Variants in CYP7B1 observed in about 807,000 individuals in gnomAD.
The protein encoded by CYP7B1 is cytochrome P450 family 7 subfamily B member 1, also known as cytochrome P450 7B1.
In CYP7B1, 29 loss-of-function variants were observed where a neutral mutation model predicts 42.7. That is an observed-to-expected ratio of 0.68 (90% confidence interval 0.51 to 0.93). The LOEUF is 0.93. Ranked by LOEUF, CYP7B1 falls within the 40% of genes least tolerant of loss-of-function variation. The pLI is 0.00. For synonymous variants in CYP7B1, 235 were observed against 218.2 expected (o/e 1.08, Z -0.68); for missense variants, 655 against 600.5 (o/e 1.09, Z -0.95).
intron 1 of CYP7B1, among the ~76,000 whole-genome samples, chr8:64,697,945 C>T (rs1373085730): frequency 1.3e-5 from 2 of 152,088 alleles, no homozygotes; most frequent in African/African-American, 4.8e-5. Flanking sequence ...TCACATAGAC[C>T]AGATATTTTC....
At position 64,792,367 on chromosome 8, in the gene CYP7B1, TAGG is replaced by T. The variant is rs773074818; in HGVS notation, c.122+6096_122+6098del. On this transcript the variant is annotated intron_variant, in intron 1 of 5. Coordinates refer to ENST00000310193, the MANE Select transcript of CYP7B1 (RefSeq NM_004820.5). Reference sequence around the variant, plus strand: ...TCCAGATTGCAGAAGGCACTAATATTAGGAGATTACTAATATTAAAGGCACTAA... The same window carrying T: ...TCCAGATTGCAGAAGGCACTAATATTAGATTACTAATATTAAAGGCACTAA... Among the ~76,000 whole-genome samples the T allele has an allele frequency of 8.5e-5, 13 of 152,202 alleles. No individual in the cohort carries two copies. The East Asian group carries it at 2.1e-3, about 25-fold the overall frequency.
intron 1 of CYP7B1, among the ~76,000 whole-genome samples, chr8:64,745,681 T>G (rs766724876): frequency 1.3e-5 from 2 of 152,206 alleles, no homozygotes; most frequent in South Asian, 4.1e-4. Flanking sequence ...CTTCCAAGCC[T>G]GTTTCCTACT....
intron 1 of CYP7B1, among the ~76,000 whole-genome samples, chr8:64,699,811 G>A (rs1458686476): frequency 6.6e-6 from 1 of 152,100 alleles, no homozygotes; most frequent in South Asian, 2.1e-4. Flanking sequence ...CTTTCAGAAG[G>A]AAGTAAAAAA....
chr8:64,738,316 A>T (rs759128343), intron 1 of CYP7B1, among the ~76,000 whole-genome samples: 3 of 152,090 alleles, frequency 2.0e-5, no homozygotes, highest in Non-Finnish European at 4.4e-5. Context: ...AAGTTTTTTC[A>T]AAAACTGAAT....
downstream of CYP7B1, among the ~76,000 whole-genome samples, chr8:64,588,409 G>A (rs1487315898): frequency 1.3e-5 from 2 of 152,160 alleles, no homozygotes; most frequent in East Asian, 1.9e-4. Context: ...TAAAGGATCC[G>A]TTATTTACAA....
intron 1 of CYP7B1, among the ~76,000 whole-genome samples, chr8:64,747,566 G>T (rs1184393831): frequency 6.6e-6 from 1 of 151,790 alleles, no homozygotes; most frequent in Admixed American, 6.6e-5. Context: ...ATAAGGAGGA[G>T]GATGAGGAAG....
intron 1 of CYP7B1, among the ~76,000 whole-genome samples, chr8:64,731,892 C>T (rs1014980078): frequency 7.9e-5 from 12 of 152,204 alleles, no homozygotes; most frequent in Admixed American, 6.5e-4. Context: ...GTGGCTTCCA[C>T]GTGGTGTTTG....
At position 64,593,902 on chromosome 8, in the gene CYP7B1, A is replaced by G. The variant is rs554231649; in HGVS notation, c.*2740T>C. Among the ~76,000 whole-genome samples the G allele has an allele frequency of 6.6e-6, 1 of 152,342 alleles. No individual in the cohort carries two copies. Among genetic ancestry groups the G allele is most frequent in the East Asian group, 1.9e-4 (1 of 5,188 alleles). ...TATATGAAGAACAAAAGGGAATCGTAAAACTGAAAAATGTAATGATTGAAC... is the reference window on the plus strand; with the variant it reads ...TATATGAAGAACAAAAGGGAATCGTGAAACTGAAAAATGTAATGATTGAAC... On this transcript the variant is annotated 3_prime_UTR_variant, in exon 6 of 6. Transcript: ENST00000310193.
intron 1 of CYP7B1, among the ~76,000 whole-genome samples, chr8:64,660,973 T>A (rs1026626022): frequency 2.0e-5 from 3 of 152,190 alleles, no homozygotes; most frequent in Non-Finnish European, 4.4e-5. Flanking sequence ...TAAGAAAAAC[T>A]CACAAAACTA....
rs556175124 is a variant in CYP7B1 at position 64,593,115 on chromosome 8, A to G, written c.*3527T>C. Among the ~76,000 whole-genome samples the G allele has an allele frequency of 3.3e-5, 5 of 152,332 alleles. No homozygotes were observed. In the East Asian group the frequency reaches 9.6e-4, roughly 29 times the overall value. On this transcript the variant is annotated 3_prime_UTR_variant, in exon 6 of 6. Coordinates refer to ENST00000310193, the MANE Select transcript of CYP7B1 (RefSeq NM_004820.5). ...CTGTGCCTTAACATCACAAAAGTGT[A>G]CCACTAAGTTGAATTTAAAGCTATG...
chr8:64,769,905 T>A (rs1804192019), intron 1 of CYP7B1, among the ~76,000 whole-genome samples: 1 of 152,130 alleles, frequency 6.6e-6, no homozygotes, highest in Non-Finnish European at 1.5e-5. Flanking sequence ...CACCTTCAAG[T>A]CTTCACAGAA....
In CYP7B1 at chr8:64,615,277, A is replaced by G. The variant is rs189091878; in HGVS notation, c.851-45T>C. ...AAGGAAGATTAATAGCGTTTATTAC[A>G]CTGATTAGATTTGCAGTGTGCTAAT... On this transcript the variant is annotated intron_variant, in intron 3 of 5. Coordinates refer to ENST00000310193, the MANE Select transcript of CYP7B1 (RefSeq NM_004820.5). 227 of 1,551,358 alleles carry G rather than the reference A, an allele frequency of 1.5e-4. 1 individual carries two copies. The African/African-American group carries it at 2.8e-3, about 19-fold the overall frequency.
At chr8:64,588,941 T>G (rs1283387153), downstream of CYP7B1, among the ~76,000 whole-genome samples, 1 of 152,240 alleles carries the variant, frequency 6.6e-6, no homozygotes, top group East Asian at 1.9e-4. Context: ...GGTCAGTTAA[T>G]ACCTGCGTCT....
In CYP7B1 at chr8:64,615,766, C is replaced by T; in HGVS notation, c.775G>A (p.Gly259Arg). 6.2e-7 allele frequency: 1 copy of T among 1,613,724 alleles called. No individual in the cohort carries two copies. The highest frequency in any genetic ancestry group is 1.1e-5 in the South Asian group (1 of 91,064). ...FSSEKLAKMQGWSEVFQSRQD... is the reference protein window; with the variant it reads ...FSSEKLAKMQRWSEVFQSRQD... ...CTGCTTTGAAAAACTTCTGACCATCCTTGCATCTTGGCTAACTTTTCTGAT... is the reference window on the plus strand; with the variant it reads ...CTGCTTTGAAAAACTTCTGACCATCTTTGCATCTTGGCTAACTTTTCTGAT... The change falls in exon 3 of 6, where the codon GGA (glycine) becomes AGA (arginine). Residue 259 changes from glycine (G) to arginine (R), a missense_variant. Physicochemically the swap from Gly to Arg is moderately radical, Grantham distance 125. Coordinates refer to ENST00000310193, the MANE Select transcript of CYP7B1 (RefSeq NM_004820.5).
chr8:64,715,624 A>G (rs933880677), intron 1 of CYP7B1, among the ~76,000 whole-genome samples: 1 of 152,170 alleles, frequency 6.6e-6, no homozygotes, highest in African/African-American at 2.4e-5. Flanking sequence ...TCCTCATAAT[A>G]TCACTTTGAT....
intron 2 of CYP7B1, among the ~76,000 whole-genome samples, chr8:64,624,103 T>A (rs919355849): frequency 2.0e-5 from 3 of 151,970 alleles, no homozygotes; most frequent in Admixed American, 1.3e-4. Flanking sequence ...CTAGCTTTTG[T>A]ATAGTTATAT....
At chr8:64,633,751 G>A (rs1336486112) in intron 1 of CYP7B1, among the ~76,000 whole-genome samples, 1 of 152,070 alleles carries the variant, frequency 6.6e-6, no homozygotes, top group Non-Finnish European at 1.5e-5. Context: ...ATGTTTTATG[G>A]ATATCAACAA....
downstream of CYP7B1, among the ~76,000 whole-genome samples, chr8:64,588,911 C>A (rs556796905): frequency 2.6e-4 from 39 of 152,302 alleles, no homozygotes; most frequent in African/African-American, 9.1e-4. Flanking sequence ...CTATTAAATG[C>A]CTGATGTATC....
chr8:64,604,612 G>C, intron 5 of CYP7B1, 70 bp downstream of exon 5: 1 of 1,579,708 alleles, frequency 6.3e-7, no homozygotes, highest in Non-Finnish European at 8.7e-7. Context: ...AAGAGGAAGA[G>C]ATAGGGATGG....
Sources: allele counts gnomAD v4.1 joint callset (sites outside exome capture counted in the v4.1 genomes callset), GRCh38; gene constraint gnomAD v4.1.1; transcripts MANE v1.5; gene names NCBI Gene and HGNC (gene_info 2026-07-23, HGNC 2026-07-21).